GTPBP2: variants seen among roughly 807,000 people sequenced by gnomAD.
The protein encoded by GTPBP2 is GTP binding protein 2.
In GTPBP2, 32 loss-of-function variants were observed where a neutral mutation model predicts 63.0. That is an observed-to-expected ratio of 0.51 (90% confidence interval 0.38 to 0.68). GTPBP2 has a LOEUF of 0.68. Ranked by LOEUF, GTPBP2 falls within the 30% of genes least tolerant of loss-of-function variation. The probability of loss-of-function intolerance (pLI) is 0.00; values close to 1 mark genes in which losing one functional copy is unlikely to be tolerated. For synonymous variants in GTPBP2, 310 were observed against 322.6 expected, an observed-to-expected ratio of 0.96 and a Z score of 0.42; for missense variants, 492 against 796.9, an observed-to-expected ratio of 0.62 and a Z score of 4.61.
intron 1 of GTPBP2, chr6:43,628,551 TGG>T: frequency 1.0e-6 from 1 of 983,890 alleles, no homozygotes; most frequent in Non-Finnish European, 1.2e-6. Context: ...TGTGTCCGTG[TGG>T]AACATATTGC....
rs1398014266 is a variant in GTPBP2, at chr6:43,629,193, C to A, written c.-31G>T. The A allele has an allele frequency of 1.0e-4, 138 of 1,334,510 alleles. No homozygotes were observed. Among genetic ancestry groups the A allele is most frequent in the Non-Finnish European group, 1.3e-4 (138 of 1,047,104 alleles). The allele number at this position is 1,334,510 out of a possible 1,614,324, so 82.7% of individuals were successfully genotyped here. Reference sequence around the variant, plus strand: ...GCTGCCGCCAGCCCCCCGCCCGGCCCCTCCCCCGACCGCCGCCGCCGTCGC... The same window carrying A: ...GCTGCCGCCAGCCCCCCGCCCGGCCACTCCCCCGACCGCCGCCGCCGTCGC... On this transcript the variant is annotated 5_prime_UTR_variant, in exon 1 of 12. Coordinates refer to ENST00000307126, the MANE Select transcript of GTPBP2 (RefSeq NM_019096.5).
In GTPBP2 at chr6:43,625,906, TCTC is replaced by T. The variant is rs1561925384; in HGVS notation, c.399-45_399-43del. ...ACAGCTGCCATATCTCACCTGTCCT[TCTC>T]CTATTCCAGGCTCGCTCTGGACCTA... On this transcript the variant is annotated intron_variant, in intron 3 of 11. Transcript: ENST00000307126. The surrounding 1 kb of genome is among the most constrained non-coding windows in gnomAD (Gnocchi z 5.1). 2.0e-6 allele frequency: 3 copies of T among 1,491,812 alleles called. No individual in the cohort carries two copies. The highest frequency in any genetic ancestry group is 2.3e-5 in the East Asian group (1 of 44,338). The allele number at this position is 1,491,812 out of a possible 1,614,324, so 92.4% of individuals were successfully genotyped here.
upstream of GTPBP2, chr6:43,629,330 C>T (rs1200251593): frequency 5.7e-6 from 1 of 176,188 alleles, no homozygotes; most frequent in African/African-American, 2.4e-5. Flanking sequence ...CAGAAACAGC[C>T]GCGGGGCACC....
upstream of GTPBP2, chr6:43,629,488 G>A: frequency 1.7e-6 from 1 of 603,062 alleles, no homozygotes; most frequent in Non-Finnish European, 2.9e-6. Context: ...AGGCTTAAGG[G>A]AGCTGTAGTC....
intron 9 of GTPBP2, 37 bp downstream of exon 9, chr6:43,623,700 G>C (rs749113910): frequency 6.6e-7 from 1 of 1,504,160 alleles, no homozygotes; most frequent in East Asian, 2.3e-5. Context: ...ATATAGGTGA[G>C]GGCTGAGTGG....
upstream of GTPBP2, chr6:43,629,404 C>T (rs1359063081): frequency 7.0e-6 from 4 of 573,698 alleles, no homozygotes; most frequent in East Asian, 1.2e-4. Flanking sequence ...CCTACAACTC[C>T]CAGGAGGCAT....
chr6:43,626,981 T>C lies in GTPBP2; in HGVS notation c.187-33A>G. The C allele has an allele frequency of 6.3e-7, 1 of 1,583,852 alleles. No individual in the cohort carries two copies. Among genetic ancestry groups the C allele is most frequent in the Non-Finnish European group, 8.6e-7 (1 of 1,159,086 alleles). On this transcript the variant is annotated intron_variant, in intron 1 of 11. Transcript: ENST00000307126. This position sits in a 1 kb window ranked among gnomAD's most constrained non-coding sequence, Gnocchi z 4.0. ...GAAACAGTGAGCAGTTACCATACAC[T>C]GTACAGACCCAATCCCTACTTCCCC...
At position 43,624,655 on chromosome 6, in the gene GTPBP2, C is replaced by T. The variant is rs1399993191; in HGVS notation, c.955G>A (p.Asp319Asn). 6 of 1,614,006 alleles carry T rather than the reference C, an allele frequency of 3.7e-6. No individual in the cohort carries two copies. In the African/African-American group the frequency reaches 5.3e-5, roughly 14 times the overall value. Residue 319 changes from aspartate (D) to asparagine (N), a missense_variant, in exon 7 of 12, where the codon GAC becomes AAC. Coordinates refer to ENST00000307126, the MANE Select transcript of GTPBP2 (RefSeq NM_019096.5). The surrounding 1 kb of genome is among the most constrained non-coding windows in gnomAD (Gnocchi z 5.1). ...TCCACTGTGGTCTTGGCACATAGGT[C>T]GATCTTGCTGACCACGATGAAGAAG... ...VPFFIVVSKI[D>N]LCAKTTVERT...
chr6:43,627,008 C>G (rs1769415571), intron 1 of GTPBP2, 60 bp from the exon 2 acceptor site: 1 of 1,438,662 alleles, frequency 7.0e-7, no homozygotes, highest in Non-Finnish European at 9.6e-7. Context: ...TACTTCCCCT[C>G]AATTCCCACT....
At chr6:43,623,063 A>G (rs1187482230) in intron 9 of GTPBP2, 2 of 480,880 alleles carry the variant, frequency 4.2e-6, no homozygotes, top group Non-Finnish European at 7.5e-6. Context: ...TCACTGAAGG[A>G]GCAAGTTATC....
At chr6:43,629,589 C>A, upstream of GTPBP2, 1 of 746,846 alleles carries the variant, frequency 1.3e-6, no homozygotes, top group Non-Finnish European at 2.3e-6. Flanking sequence ...AGGACACCAG[C>A]GTAGAAGAGC....
At chr6:43,629,562 C>T, upstream of GTPBP2, 1 of 677,094 alleles carries the variant, frequency 1.5e-6, no homozygotes, top group East Asian at 2.7e-5. Context: ...AGCCTCGAGG[C>T]CTGGGGTGGG....
At chr6:43,629,863 G>T, upstream of GTPBP2, 1 of 1,426,090 alleles carries the variant, frequency 7.0e-7, no homozygotes, top group Non-Finnish European at 9.4e-7. Context: ...TTACATAGTA[G>T]TCACTGCTTT....
chr6:43,625,215 GA>G lies in GTPBP2; in HGVS notation c.705+147del. The G allele has an allele frequency of 9.8e-7, 1 of 1,016,570 alleles. No homozygotes were observed. Among genetic ancestry groups the G allele is most frequent in the Admixed American group, 2.1e-5 (1 of 47,922 alleles). 63.0% of individuals were successfully genotyped at this position (1,016,570 alleles called of 1,614,324 possible). On this transcript the variant is annotated intron_variant, in intron 5 of 11. Transcript: ENST00000307126. The surrounding 1 kb of genome is among the most constrained non-coding windows in gnomAD (Gnocchi z 5.1). Reference sequence around the variant, plus strand: ...AGTTGATTCCCCATTGATTTCCTAAGAGGGGCAGAGCTTGTTCACAGTCCCC... The same window carrying G: ...AGTTGATTCCCCATTGATTTCCTAAGGGGGCAGAGCTTGTTCACAGTCCCC...
At chr6:43,630,908 C>CAAAAAAAAAAAAAAAAA (rs753239311), upstream of GTPBP2, among the ~76,000 whole-genome samples, 1 of 53,626 alleles carries the variant, frequency 1.9e-5, no homozygotes, top group Non-Finnish European at 3.8e-5. Context: ...GACTTCGTCT[C>CAAAAAAAAAAAAAAAAA]AAAAAAAAAA....
At chr6:43,628,091 C>T (rs538297236) in intron 1 of GTPBP2, among the ~76,000 whole-genome samples, 2 of 152,306 alleles carry the variant, frequency 1.3e-5, no homozygotes, top group South Asian at 2.1e-4. Context: ...AGGCTGGGCA[C>T]GGAGGCTCAC....
Position 43,623,738 on chromosome 6 carries a change from T to C in GTPBP2, c.1294A>G (p.Ser432Gly). ...AGGGTAGCAAGCAAGACAATTTACC[T>C]GGAAAGTGTTCCTCCAACAACAGTC... ...VGTVVGGTLSSGICREGDQLV... is the reference protein window; with the variant it reads ...VGTVVGGTLSGGICREGDQLV... The change falls in exon 9 of 12, where the codon AGT becomes GGT. Residue 432 changes from serine to glycine, a missense_variant and splice_region_variant. By Grantham distance (56) the Ser-to-Gly change is moderately conservative. Transcript: ENST00000307126. 2 of 1,610,314 alleles carry C rather than the reference T, an allele frequency of 1.2e-6. No homozygotes were observed. Among genetic ancestry groups the C allele is most frequent in the Non-Finnish European group, 1.7e-6 (2 of 1,176,510 alleles).
At chr6:43,628,700 G>C in intron 1 of GTPBP2, 2 of 707,140 alleles carry the variant, frequency 2.8e-6, no homozygotes, top group Non-Finnish European at 5.0e-6. Flanking sequence ...CTCTTCCTGG[G>C]ATCCCCTTTC....
rs967588281 is a variant in GTPBP2 at position 43,621,046 on chromosome 6, C to T, written c.*568G>A. The T allele has an allele frequency of 1.8e-5, 4 of 220,564 alleles. No homozygotes were observed. Among genetic ancestry groups the T allele is most frequent in the Non-Finnish European group, 3.7e-5 (4 of 107,652 alleles). The allele number at this position is 220,564 out of a possible 1,614,324, so 13.7% of individuals were successfully genotyped here. ...AAGGGAGATAAAGCTGAGGAAGAGGCCTCAGGCCTCAGCACAGGGTGGCAA... is the reference window on the plus strand; with the variant it reads ...AAGGGAGATAAAGCTGAGGAAGAGGTCTCAGGCCTCAGCACAGGGTGGCAA... On this transcript the variant is annotated 3_prime_UTR_variant, in exon 12 of 12. Transcript: ENST00000307126.
Sources: gnomAD v4.1 joint callset for allele counts (sites outside exome capture counted in the v4.1 genomes callset) on GRCh38, gnomAD v4.1.1 for gene constraint, Gnocchi (gnomAD v3.1) non-coding constraint, MANE v1.5 for transcripts, NCBI Gene and HGNC (gene_info 2026-07-23, HGNC 2026-07-21) for gene names.